Variants in CSMD1 observed in about 807,000 individuals in gnomAD.
The protein encoded by CSMD1 is CUB and Sushi multiple domains 1.
CSMD1 carries 213 observed loss-of-function variants against 417.5 expected under a neutral mutation model. The ratio of observed to expected loss-of-function variants is 0.51; its 90% CI spans 0.46 to 0.57. The LOEUF is 0.57. Ranked by LOEUF, CSMD1 falls within the 20% of genes least tolerant of loss-of-function variation. CSMD1 has a pLI of 0.00. For synonymous variants in CSMD1, 2,862 were observed against 1,736.8 expected (o/e 1.65, Z -16.11); for missense variants, 6,923 against 4,529.7 (o/e 1.53, Z -15.17).
intron 5 of CSMD1, among the ~76,000 whole-genome samples, chr8:3,930,258 C>G (rs527533003): frequency 1.3e-5 from 2 of 150,466 alleles, no homozygotes; most frequent in East Asian, 2.0e-4. Context: ...TCCTCCCCAT[C>G]TAATTAGGAA....
chr8:4,463,649 C>T (rs960466310), intron 2 of CSMD1, among the ~76,000 whole-genome samples: 1 of 152,114 alleles, frequency 6.6e-6, no homozygotes, highest in Admixed American at 6.5e-5. Flanking sequence ...GAGCTAGTCA[C>T]AAAACACATT....
At chr8:4,205,287 T>A (rs1292595556) in intron 3 of CSMD1, among the ~76,000 whole-genome samples, 1 of 152,212 alleles carries the variant, frequency 6.6e-6, no homozygotes, top group Non-Finnish European at 1.5e-5. Context: ...TTTACAATAG[T>A]TCCTTGAAAA....
intron 23 of CSMD1, among the ~76,000 whole-genome samples, chr8:3,316,542 G>T (rs1056946211): frequency 2.0e-5 from 3 of 152,184 alleles, no homozygotes; most frequent in East Asian, 1.9e-4. Context: ...GCGGGAGAGG[G>T]TTTGAGCAGG....
chr8:4,535,440 T>A (rs1298242131), intron 2 of CSMD1, among the ~76,000 whole-genome samples: 1 of 152,148 alleles, frequency 6.6e-6, no homozygotes, highest in Non-Finnish European at 1.5e-5. Flanking sequence ...GCTTGTAGAT[T>A]TGCTTTGCAA....
chr8:3,186,711 G>A (rs1345565150), intron 36 of CSMD1, among the ~76,000 whole-genome samples: 1 of 152,300 alleles, frequency 6.6e-6, no homozygotes, highest in Middle Eastern at 3.4e-3. Context: ...TCCCTTTGCA[G>A]TAGAGATAAA....
intron 3 of CSMD1, among the ~76,000 whole-genome samples, chr8:4,295,728 G>C (rs1325973853): frequency 4.5e-5 from 5 of 111,670 alleles, no homozygotes; most frequent in Admixed American, 2.0e-4. Flanking sequence ...ATATATATCT[G>C]TGTGTGTGTA....
At chr8:4,585,671 A>G (rs187302695) in intron 2 of CSMD1, among the ~76,000 whole-genome samples, 87 of 152,320 alleles carry the variant, frequency 5.7e-4, no homozygotes, top group Middle Eastern at 3.4e-3. Context: ...AAGATTTTGC[A>G]ATGGAAAAAA....
intron 3 of CSMD1, among the ~76,000 whole-genome samples, chr8:4,192,802 C>G (rs1408700821): frequency 1.3e-5 from 2 of 152,142 alleles, no homozygotes; most frequent in Admixed American, 6.6e-5. Flanking sequence ...CAAACACAAC[C>G]TCCTCACTCA....
At chr8:3,554,021 AAAAT>A (rs1216365032) in intron 10 of CSMD1, among the ~76,000 whole-genome samples, 1 of 152,198 alleles carries the variant, frequency 6.6e-6, no homozygotes, top group Non-Finnish European at 1.5e-5. Flanking sequence ...TTTTTCAAAA[AAAAT>A]AAGTAAACAT....
rs1164288087 is a variant in CSMD1, at chr8:4,960,879, G to C, written c.85+33453C>G. On this transcript the variant is annotated intron_variant, in intron 1 of 69. Transcript: ENST00000635120. ...AATAATAAAATGTTTATTTTTAAAA[G>C]ATTCCTCAACTCCTGAAATACAACT... 5.9e-5 allele frequency among the ~76,000 whole-genome samples: 9 copies of C among 152,156 alleles called. 1 individual carries two copies. Among genetic ancestry groups the C allele is most frequent in the South Asian group, 4.1e-4 (2 of 4,820 alleles).
chr8:4,096,233 A>C (rs987144448), intron 3 of CSMD1, among the ~76,000 whole-genome samples: 1 of 152,140 alleles, frequency 6.6e-6, no homozygotes, highest in East Asian at 1.9e-4. Flanking sequence ...TAATAATAAA[A>C]AGCAACCGAC....
intron 2 of CSMD1, among the ~76,000 whole-genome samples, chr8:4,515,516 T>C (rs1482750935): frequency 6.6e-6 from 1 of 152,218 alleles, no homozygotes; most frequent in Non-Finnish European, 1.5e-5. Flanking sequence ...ACGGTTTTAT[T>C]AAAAACTTCA....
chr8:4,712,870 C>T (rs1273478670), intron 1 of CSMD1, among the ~76,000 whole-genome samples: 1 of 152,164 alleles, frequency 6.6e-6, no homozygotes, highest in Non-Finnish European at 1.5e-5. Flanking sequence ...TTTTAGTAGA[C>T]ATCCATGCCG....
At chr8:3,780,769 C>A (rs984482827) in intron 5 of CSMD1, among the ~76,000 whole-genome samples, 7 of 152,080 alleles carry the variant, frequency 4.6e-5, no homozygotes, top group South Asian at 2.1e-4. Flanking sequence ...CATTCTTATA[C>A]ACAGATTCAT....
chr8:4,313,905 T>G lies in CSMD1; in HGVS notation c.415+106048A>C, dbSNP rs10089045. Among the ~76,000 whole-genome samples, 2 of 151,538 alleles carry G rather than the reference T, an allele frequency of 1.3e-5. 1 individual carries two copies. The highest frequency in any genetic ancestry group is 2.9e-5 in the Non-Finnish European group (2 of 67,928). On this transcript the variant is annotated intron_variant, in intron 3 of 69. Transcript: ENST00000635120. ...GGTGCACACCTGTAATCCCAGCTAC[T>G]TGGGAGGCTGAGTCAGGAGAGTCAC...
intron 1 of CSMD1, among the ~76,000 whole-genome samples, chr8:4,676,883 T>C (rs115079057): frequency 6.7e-6 from 1 of 150,098 alleles, no homozygotes; most frequent in Non-Finnish European, 1.5e-5. Context: ...ATTTTATATA[T>C]AGAGAGAGAT....
At chr8:4,977,379 A>G (rs927875848) in intron 1 of CSMD1, among the ~76,000 whole-genome samples, 3 of 152,102 alleles carry the variant, frequency 2.0e-5, no homozygotes, top group African/African-American at 4.8e-5. Flanking sequence ...AGCTCTCCTC[A>G]TGGCACAAGT....
At chr8:3,541,226 G>A (rs1169213982) in intron 10 of CSMD1, among the ~76,000 whole-genome samples, 1 of 152,180 alleles carries the variant, frequency 6.6e-6, no homozygotes, top group Non-Finnish European at 1.5e-5. Context: ...CACGTGCTTT[G>A]CAGGAACATG....
At position 2,974,541 on chromosome 8, in the gene CSMD1, A is replaced by T. The variant is rs894117825; in HGVS notation, c.8650T>A (p.Ser2884Thr). The T allele has an allele frequency of 9.3e-6, 15 of 1,613,566 alleles. No individual in the cohort carries two copies. Among genetic ancestry groups the T allele is most frequent in the Non-Finnish European group, 1.3e-5 (15 of 1,179,732 alleles). ...LFTYGAVVHY[S>T]CRGSESLIGN... Reference sequence around the variant, plus strand: ...ATGAGGCTCTCGCTCCCTCTGCAGGAGTAGTGCACGACGGCGCCATAGGTA... The same window carrying T: ...ATGAGGCTCTCGCTCCCTCTGCAGGTGTAGTGCACGACGGCGCCATAGGTA... Residue 2884 changes from serine to threonine, a missense_variant, in exon 56 of 70, where the codon TCC becomes ACC. Physicochemically the swap from Ser to Thr is moderately conservative, Grantham distance 58. Coordinates refer to ENST00000635120, the MANE Select transcript of CSMD1 (RefSeq NM_033225.6).
Sources: allele counts gnomAD v4.1 joint callset (sites outside exome capture counted in the v4.1 genomes callset), GRCh38; gene constraint gnomAD v4.1.1; transcripts MANE v1.5; gene names NCBI Gene and HGNC (gene_info 2026-07-23, HGNC 2026-07-21).